SGCD: variants seen among roughly 807,000 people sequenced by gnomAD.
The protein encoded by SGCD is delta-sarcoglycan.
Under a neutral mutation model 36.6 loss-of-function variants are expected in SGCD, and 18 were observed. That is an observed-to-expected ratio of 0.49 (90% CI 0.34 to 0.73). The LOEUF (loss-of-function observed/expected upper bound fraction) is 0.73. Among genes scored for constraint, SGCD ranks in the 30% least tolerant of loss-of-function variants. SGCD has a pLI of 0.01. For synonymous variants in SGCD, 133 were observed against 130.6 expected, an observed-to-expected ratio of 1.02 and a Z score of -0.12; for missense variants, 387 against 346.7, an observed-to-expected ratio of 1.12 and a Z score of -0.92.
intron 6 of SGCD, among the ~76,000 whole-genome samples, chr5:156,631,392 C>A (rs1762624878): frequency 6.6e-6 from 1 of 151,132 alleles, no homozygotes; most frequent in Non-Finnish European, 1.5e-5. Context: ...GACAAAGCAG[C>A]ACAAGATACA....
intron 1 of SGCD, among the ~76,000 whole-genome samples, chr5:155,975,619 T>TTTTTTTTTTTTTTTTTTTTTTTTTTTTG (rs1758098516): frequency 1.3e-5 from 1 of 79,812 alleles, no homozygotes; most frequent in Non-Finnish European, 2.4e-5. Flanking sequence ...CTTTTTTTTT[T>TTTTTTTTTTTTTTTTTTTTTTTTTTTTG]TTTTTTTTTT....
At chr5:156,201,546 C>T (rs535692922) in intron 3 of SGCD, among the ~76,000 whole-genome samples, 1 of 152,094 alleles carries the variant, frequency 6.6e-6, no homozygotes, top group Non-Finnish European at 1.5e-5. Flanking sequence ...AACAGAGAAA[C>T]CAGTTTATGG....
At chr5:155,980,427 T>C (rs1352896115) in intron 1 of SGCD, among the ~76,000 whole-genome samples, 6 of 151,128 alleles carry the variant, frequency 4.0e-5, no homozygotes, top group Admixed American at 2.6e-4. Flanking sequence ...CTACTAAAAA[T>C]ACAAAACAAA....
Position 156,153,265 on chromosome 5 carries a change from T to G in SGCD, c.-44+29246T>G, listed in dbSNP as rs1021709064. On this transcript the variant is annotated intron_variant, in intron 3 of 9. Transcript: ENST00000517913. ...AGTAAAAAATGTTGTTTTTTTTTTT[T>G]TCCTGGGAAAAATAGGACTTTGGTT... Among the ~76,000 whole-genome samples the G allele has an allele frequency of 1.6e-4, 25 of 151,544 alleles. 2 individuals carry two copies. Among genetic ancestry groups the G allele is most frequent in the African/African-American group, 5.6e-4 (23 of 40,874 alleles).
intron 3 of SGCD, among the ~76,000 whole-genome samples, chr5:156,439,381 C>T (rs1245454884): frequency 1.3e-5 from 2 of 152,200 alleles, no homozygotes; most frequent in African/African-American, 2.4e-5. Context: ...ATTTACTTGA[C>T]GACTCCTTCT....
At chr5:155,859,027 T>C in the SGCD span, among the ~76,000 whole-genome samples, 1 of 151,788 alleles carries the variant, frequency 6.6e-6, no homozygotes, top group Non-Finnish European at 1.5e-5. Context: ...TTTTCTACTG[T>C]TATAATTTTT....
intron 3 of SGCD, among the ~76,000 whole-genome samples, chr5:156,374,284 C>T (rs1357241547): frequency 6.6e-6 from 1 of 152,152 alleles, no homozygotes; most frequent in Non-Finnish European, 1.5e-5. Context: ...GTGAAACAAG[C>T]TCACTCATGC....
chr5:156,292,400 C>T (rs1476693619), intron 3 of SGCD, among the ~76,000 whole-genome samples: 2 of 152,090 alleles, frequency 1.3e-5, no homozygotes, highest in Non-Finnish European at 2.9e-5. Flanking sequence ...ATATATTTAG[C>T]ATAACGTCCT....
intron 3 of SGCD, among the ~76,000 whole-genome samples, chr5:156,474,194 A>C (rs1432846568): frequency 6.6e-6 from 1 of 152,152 alleles, no homozygotes; most frequent in African/African-American, 2.4e-5. Flanking sequence ...CTAAACACCC[A>C]CAGGACAGTC....
intron 1 of SGCD, among the ~76,000 whole-genome samples, chr5:155,959,947 C>A (rs1757757032): frequency 6.6e-6 from 1 of 152,022 alleles, no homozygotes; most frequent in Non-Finnish European, 1.5e-5. Flanking sequence ...GCTTTCATAC[C>A]ATGGCATATG....
the SGCD span, among the ~76,000 whole-genome samples, chr5:155,828,497 TAAC>T: frequency 1.2e-3 from 184 of 152,270 alleles, no homozygotes; most frequent in African/African-American, 4.2e-3. Context: ...TGGTTTTCTC[TAAC>T]AACAACAACA....
At chr5:155,773,295 T>A in the SGCD span, among the ~76,000 whole-genome samples, 1 of 152,172 alleles carries the variant, frequency 6.6e-6, no homozygotes. Flanking sequence ...CTCCTGTTAA[T>A]TGGACTTTGT....
At chr5:155,886,498 GCA>G (rs111536230) in intron 1 of SGCD, among the ~76,000 whole-genome samples, 1,676 of 93,512 alleles carry the variant, frequency 0.018, 19 homozygotes, top group Middle Eastern at 0.053. Flanking sequence ...GTGTGTGCGC[GCA>G]CGCGCGCGTG....
intron 3 of SGCD, among the ~76,000 whole-genome samples, chr5:156,293,004 T>A (rs1376867818): frequency 6.6e-6 from 1 of 152,110 alleles, no homozygotes; most frequent in African/African-American, 2.4e-5. Context: ...TGAATATTAA[T>A]CCTTTATCAG....
chr5:156,322,564 T>C (rs920219023), upstream of SGCD, among the ~76,000 whole-genome samples: 1 of 152,152 alleles, frequency 6.6e-6, no homozygotes, highest in Admixed American at 6.5e-5. Flanking sequence ...AACAGGGGAC[T>C]GTTGGGTCTC....
chr5:155,949,892 C>T (rs1248829496), intron 1 of SGCD, among the ~76,000 whole-genome samples: 1 of 152,170 alleles, frequency 6.6e-6, no homozygotes, highest in Non-Finnish European at 1.5e-5. Context: ...ATGTTACAGC[C>T]TTTCTAATTT....
chr5:156,337,276 T>C (rs1768403450), intron 2 of SGCD, among the ~76,000 whole-genome samples: 1 of 152,240 alleles, frequency 6.6e-6, no homozygotes, highest in Non-Finnish European at 1.5e-5. Context: ...AATCTCATAG[T>C]TACATAATTC....
chr5:156,058,649 T>A (rs1760124012), intron 1 of SGCD, among the ~76,000 whole-genome samples: 1 of 146,642 alleles, frequency 6.8e-6, no homozygotes, highest in African/African-American at 2.5e-5. Flanking sequence ...CAGTTGGAAA[T>A]ATGAATGTTA....
At chr5:155,841,959 T>C in the SGCD span, among the ~76,000 whole-genome samples, 1 of 152,138 alleles carries the variant, frequency 6.6e-6, no homozygotes, top group Non-Finnish European at 1.5e-5. Flanking sequence ...AGAAATCCTT[T>C]TGGGCTAAGT....
Sources: gnomAD v4.1 joint callset for allele counts (sites outside exome capture counted in the v4.1 genomes callset) on GRCh38, gnomAD v4.1.1 for gene constraint, MANE v1.5 for transcripts, NCBI Gene and HGNC (gene_info 2026-07-23, HGNC 2026-07-21) for gene names.